Variants in KIAA1549 observed in about 807,000 individuals in gnomAD.
The protein encoded by KIAA1549 is KIAA1549.
KIAA1549 carries 70 observed loss-of-function variants against 156.4 expected under a neutral mutation model. That is an observed-to-expected ratio of 0.45 (90% CI 0.37 to 0.55). The LOEUF (loss-of-function observed/expected upper bound fraction) is 0.55, where lower values mean the gene tolerates loss of function less well. Ranked by LOEUF, KIAA1549 falls within the 20% of genes least tolerant of loss-of-function variation. The pLI, the probability that KIAA1549 is intolerant of heterozygous loss-of-function variation, is 0.00. For missense variants in KIAA1549, 2,428 were observed against 2,540.9 expected, an observed-to-expected ratio of 0.96 and a Z score of 0.96; for synonymous variants, 1,103 against 1,066.4, an observed-to-expected ratio of 1.03 and a Z score of -0.67.
chr7:138,907,841 A>G (rs1324456206), intron 5 of KIAA1549, among the ~76,000 whole-genome samples: 2 of 152,144 alleles, frequency 1.3e-5, no homozygotes, highest in African/African-American at 4.8e-5. Flanking sequence ...TCCTGTGCAC[A>G]CCGAAGAAGG....
chr7:138,861,960 T>A (rs960588236), intron 15 of KIAA1549, among the ~76,000 whole-genome samples: 18 of 152,016 alleles, frequency 1.2e-4, no homozygotes, highest in Non-Finnish European at 2.5e-4. Context: ...ACTGCCAAAA[T>A]TCAACAATCA....
chr7:138,870,071 G>A (rs776684180), intron 13 of KIAA1549, among the ~76,000 whole-genome samples: 10 of 151,864 alleles, frequency 6.6e-5, no homozygotes, highest in African/African-American at 9.7e-5. Flanking sequence ...GGCTGGTCTC[G>A]AACTCCTGAC....
chr7:138,871,786 G>C (rs576364392), intron 12 of KIAA1549, among the ~76,000 whole-genome samples: 6 of 152,338 alleles, frequency 3.9e-5, no homozygotes, highest in Admixed American at 1.3e-4. Context: ...GAGCTCGCTG[G>C]AGTGATACAA....
At chr7:138,937,759 C>T (rs1183375003) in intron 1 of KIAA1549, among the ~76,000 whole-genome samples, 7 of 151,980 alleles carry the variant, frequency 4.6e-5, no homozygotes, top group East Asian at 1.9e-4. Flanking sequence ...CTCACATGGA[C>T]GGTGAGGAGC....
chr7:138,853,652 C>T (rs1334173702), intron 16 of KIAA1549, among the ~76,000 whole-genome samples: 2 of 152,208 alleles, frequency 1.3e-5, no homozygotes, highest in African/African-American at 4.8e-5. Context: ...TTCTGACTCT[C>T]TCTGCTTCCA....
At chr7:138,906,245 A>AC (rs1812002423) in intron 6 of KIAA1549, among the ~76,000 whole-genome samples, 1 of 152,220 alleles carries the variant, frequency 6.6e-6, no homozygotes, top group Non-Finnish European at 1.5e-5. Context: ...AATCCATGCC[A>AC]TTTGCATGTC....
chr7:138,838,067 G>T lies in KIAA1549; in HGVS notation c.5692C>A (p.Leu1898Ile). Residue 1898 changes from leucine to isoleucine, a missense_variant, in exon 20 of 20, where the codon CTC becomes ATC. By Grantham distance (5) the Leu-to-Ile change is conservative (BLOSUM62 2). Around this residue, in one of 5 missense-constraint regions of KIAA1549, gnomAD observed 363 missense variants for 354.0 expected, o/e 1.03. Transcript: ENST00000422774. ...GREPSAPSGN[L>I]PHRGLQGPGL... is the part of the protein sequence containing the mutation. ...GGGCCCTGCAGTCCCCGGTGGGGGA[G>T]GTTCCCGGAAGGAGCTGAGGGCTCC... 6.3e-7 allele frequency: 1 copy of T among 1,593,930 alleles called. No individual in the cohort carries two copies.
chr7:138,840,498 G>A (rs965310683), intron 18 of KIAA1549, among the ~76,000 whole-genome samples: 7 of 151,826 alleles, frequency 4.6e-5, no homozygotes, highest in East Asian at 1.9e-4. Flanking sequence ...ACCACGAAGC[G>A]GTAGGAAAAT....
Position 138,853,457 on chromosome 7 carries a change from A to G in KIAA1549, c.5248-1188T>C, listed in dbSNP as rs74768870. Among the ~76,000 whole-genome samples the G allele has an allele frequency of 9.7e-3, 1,482 of 152,308 alleles. 19 individuals are homozygous for G. Among genetic ancestry groups the G allele is most frequent in the African/African-American group, 0.033 (1,361 of 41,556 alleles). ...CCCTGCACTGCCCATGGTTTCCAAAACAAGACACTCTCCTGTGAACAAATA... is the reference window on the plus strand; with the variant it reads ...CCCTGCACTGCCCATGGTTTCCAAAGCAAGACACTCTCCTGTGAACAAATA... On this transcript the variant is annotated intron_variant, in intron 16 of 19. Transcript: ENST00000422774.
intron 10 of KIAA1549, among the ~76,000 whole-genome samples, chr7:138,884,371 T>G (rs985004244): frequency 2.6e-5 from 4 of 152,118 alleles, no homozygotes; most frequent in Admixed American, 2.0e-4. Flanking sequence ...CCAAAGGGAC[T>G]TCAGAGAAAC....
chr7:138,887,202 G>A (rs1314634833), intron 10 of KIAA1549, among the ~76,000 whole-genome samples: 2 of 151,958 alleles, frequency 1.3e-5, no homozygotes, highest in Non-Finnish European at 2.9e-5. Flanking sequence ...GAGCCACCAC[G>A]CCTGGCCTAT....
At chr7:138,909,901 C>T (rs1301575519) in intron 4 of KIAA1549, among the ~76,000 whole-genome samples, 1 of 151,994 alleles carries the variant, frequency 6.6e-6, no homozygotes, top group African/African-American at 2.4e-5. Context: ...GAGCAGAGAT[C>T]GCGCCATTGC....
rs752867430 is a variant in KIAA1549, at chr7:138,871,280, C to CG, written c.4427dup (p.Glu1477GlyfsTer3). The CG allele has an allele frequency of 2.5e-6, 4 of 1,610,290 alleles. No individual in the cohort carries two copies. Among genetic ancestry groups the CG allele is most frequent in the Non-Finnish European group, 2.5e-6 (3 of 1,178,298 alleles). On this transcript the variant is annotated frameshift_variant, in exon 13 of 20. Coordinates refer to ENST00000422774, the MANE Select transcript of KIAA1549 (RefSeq NM_001164665.2). LOFTEE classifies it high-confidence loss of function. ...TACTGGGGACCCGCCGGCTAGCCTCCGGGGGGCGGGAGATCCTGTCCACGT... is the reference window on the plus strand; with the variant it reads ...TACTGGGGACCCGCCGGCTAGCCTCCGGGGGGGCGGGAGATCCTGTCCACGT...
In KIAA1549 at chr7:138,837,852, T is replaced by C. The variant is rs751987169; in HGVS notation, c.*54A>G. On this transcript the variant is annotated 3_prime_UTR_variant, in exon 20 of 20. Transcript: ENST00000422774. Reference sequence around the variant, plus strand: ...AACACCCACTCAGTTGATTTCCTTTTGGTCTTGCTTCCACAGGAAGCGGAT... The same window carrying C: ...AACACCCACTCAGTTGATTTCCTTTCGGTCTTGCTTCCACAGGAAGCGGAT... 6.3e-7 allele frequency: 1 copy of C among 1,575,724 alleles called. No homozygotes were observed. The highest frequency in any genetic ancestry group is 2.3e-5 in the East Asian group (1 of 44,200).
At chr7:138,957,068 A>G (rs572301957) in intron 1 of KIAA1549, among the ~76,000 whole-genome samples, 49 of 152,356 alleles carry the variant, frequency 3.2e-4, no homozygotes, top group African/African-American at 1.1e-3. Flanking sequence ...TACAGAATCA[A>G]GCAAATGAGG....
At chr7:138,919,693 A>C (rs949269253) in intron 1 of KIAA1549, among the ~76,000 whole-genome samples, 1 of 152,112 alleles carries the variant, frequency 6.6e-6, no homozygotes, top group African/African-American at 2.4e-5. Context: ...TGGGGAGGGC[A>C]TATTTACAGT....
At chr7:138,908,086 A>G (rs1259747973) in intron 5 of KIAA1549, among the ~76,000 whole-genome samples, 3 of 152,178 alleles carry the variant, frequency 2.0e-5, no homozygotes, top group Non-Finnish European at 4.4e-5. Context: ...AGAGATCCCC[A>G]CAGCTCAAGG....
intron 1 of KIAA1549, among the ~76,000 whole-genome samples, chr7:138,936,403 C>G (rs1170800416): frequency 6.6e-6 from 1 of 152,148 alleles, no homozygotes; most frequent in Non-Finnish European, 1.5e-5. Context: ...ATCTTCCTTC[C>G]CACCGCCACC....
In KIAA1549 at chr7:138,916,694, A is replaced by G. The variant is rs1421356827; in HGVS notation, c.2878+54T>C. 3.8e-6 allele frequency: 6 copies of G among 1,594,700 alleles called. No homozygotes were observed. The African/African-American group carries it at 4.0e-5, about 11-fold the overall frequency. ...CCAAGCCTCACAGGCACTGCACACA[A>G]GCTCCTTAGAAAGATTGCCCACCCC... On this transcript the variant is annotated intron_variant, in intron 2 of 19. Coordinates refer to ENST00000422774, the MANE Select transcript of KIAA1549 (RefSeq NM_001164665.2).
Sources: allele counts gnomAD v4.1 joint callset (sites outside exome capture counted in the v4.1 genomes callset), GRCh38; gene constraint gnomAD v4.1.1; regional missense constraint gnomAD v4.1.1; transcripts MANE v1.5; gene names NCBI Gene and HGNC (gene_info 2026-07-23, HGNC 2026-07-21).